Variants in UCHL3 observed in about 807,000 individuals in gnomAD.
The protein encoded by UCHL3 is ubiquitin C-terminal hydrolase L3.
Under a neutral mutation model 35.8 loss-of-function variants are expected in UCHL3, and 22 were observed. That is an observed-to-expected ratio of 0.61 (90% CI 0.44 to 0.88). The LOEUF (loss-of-function observed/expected upper bound fraction) is 0.88. Among genes scored for constraint, UCHL3 ranks in the 40% least tolerant of loss-of-function variants. The pLI is 0.00. For synonymous variants in UCHL3, 90 were observed against 92.8 expected (o/e 0.97, Z 0.17); for missense variants, 229 against 276.9 (o/e 0.83, Z 1.23).
rs116172082 is a variant in UCHL3, at chr13:75,589,170, T to C, written c.475-5745T>C. On this transcript the variant is annotated intron_variant, in intron 6 of 8. Coordinates refer to ENST00000377595, the MANE Select transcript of UCHL3 (RefSeq NM_006002.5). ...TGATTTCCTGGGTCTGAATCCCGGT[T>C]CTGTTACCTACTGGCAATGTGACCT... Among the ~76,000 whole-genome samples, 239 of 152,304 alleles carry C rather than the reference T, an allele frequency of 1.6e-3. 1 individual carries two copies. The highest frequency in any genetic ancestry group is 5.5e-3 in the African/African-American group (228 of 41,576).
chr13:75,576,570 G>T (rs571507229), intron 6 of UCHL3, among the ~76,000 whole-genome samples: 5 of 152,154 alleles, frequency 3.3e-5, no homozygotes. Context: ...TAGCAAGGAT[G>T]GTCTCGATCT....
intron 6 of UCHL3, among the ~76,000 whole-genome samples, chr13:75,592,444 A>ATATACATATATATATATGTATATATG (rs1555276755): frequency 9.2e-6 from 1 of 108,810 alleles, no homozygotes; most frequent in Non-Finnish European, 1.9e-5. Context: ...ATATATATAT[A>ATATACATATATATATATGTATATATG]TATATATATA....
At chr13:75,575,371 G>A (rs2031988608) in intron 6 of UCHL3, among the ~76,000 whole-genome samples, 4 of 152,182 alleles carry the variant, frequency 2.6e-5, no homozygotes. Context: ...CATAAAAGAA[G>A]AATGGGATAT....
In UCHL3 at chr13:75,549,975, G is replaced by C. The variant is rs750898465; in HGVS notation, c.43-1G>C. On this transcript the variant is annotated splice_acceptor_variant, in intron 1 of 8. Transcript: ENST00000377595. LOFTEE classifies it high-confidence loss of function. The stretch of plus-strand genomic sequence containing the variant: ...AAGCGTGTTCTCTGTTTCGTTTTCA[G>C]GTCACCAACCAGGTGAGTGAGGTGT... 1 of 1,614,126 alleles carries C rather than the reference G, an allele frequency of 6.2e-7. No homozygotes were observed. The highest frequency in any genetic ancestry group is 8.5e-7 in the Non-Finnish European group (1 of 1,180,044).
upstream of UCHL3, chr13:75,549,660 C>T (rs542407363): frequency 2.7e-5 from 19 of 703,136 alleles, no homozygotes; most frequent in African/African-American, 2.6e-4. Flanking sequence ...CTGCACGGAG[C>T]GGTTAAGAGG....
chr13:75,578,210 T>C (rs2032081345), intron 6 of UCHL3, among the ~76,000 whole-genome samples: 1 of 151,452 alleles, frequency 6.6e-6, no homozygotes, highest in African/African-American at 2.4e-5. Flanking sequence ...AAAAAAACCT[T>C]TGCTACTGTA....
chr13:75,574,611 T>G (rs2031966894), intron 6 of UCHL3, among the ~76,000 whole-genome samples: 1 of 152,224 alleles, frequency 6.6e-6, no homozygotes, highest in South Asian at 2.1e-4. Context: ...TTGTGAAGAC[T>G]AATGAGTTAA....
intron 6 of UCHL3, among the ~76,000 whole-genome samples, chr13:75,571,469 T>G (rs954271718): frequency 6.6e-6 from 1 of 152,264 alleles, no homozygotes; most frequent in East Asian, 1.9e-4. Flanking sequence ...CTTAAACTTT[T>G]TCTTCCCTTT....
intron 2 of UCHL3, among the ~76,000 whole-genome samples, chr13:75,552,582 T>C (rs993791343): frequency 6.6e-6 from 1 of 152,244 alleles, no homozygotes; most frequent in Non-Finnish European, 1.5e-5. Flanking sequence ...GTGATTTCTC[T>C]TGTTGGTTAG....
intron 7 of UCHL3, among the ~76,000 whole-genome samples, chr13:75,595,627 A>AAAAAAG (rs2032626590): frequency 6.8e-6 from 1 of 147,458 alleles, no homozygotes; most frequent in Non-Finnish European, 1.5e-5. Context: ...AAAAAAAAAA[A>AAAAAAG]GAGCGTAATA....
chr13:75,586,370 T>G (rs952749317), intron 6 of UCHL3, among the ~76,000 whole-genome samples: 2 of 152,038 alleles, frequency 1.3e-5, no homozygotes, highest in Admixed American at 6.6e-5. Flanking sequence ...AGCCTCTAAA[T>G]GTATGAGGCA....
intron 6 of UCHL3, among the ~76,000 whole-genome samples, chr13:75,589,454 A>T (rs2032416373): frequency 6.6e-6 from 1 of 152,028 alleles, no homozygotes; most frequent in South Asian, 2.1e-4. Flanking sequence ...GGAGGAATTA[A>T]TTTCACTCTT....
chr13:75,557,065 T>G (rs902362516), intron 2 of UCHL3, among the ~76,000 whole-genome samples: 5 of 151,930 alleles, frequency 3.3e-5, no homozygotes, highest in Non-Finnish European at 7.4e-5. Flanking sequence ...AATAAAAAAA[T>G]TTAGCTGGCT....
chr13:75,587,133 T>C (rs1593753584), intron 6 of UCHL3, among the ~76,000 whole-genome samples: 1 of 151,026 alleles, frequency 6.6e-6, no homozygotes, highest in African/African-American at 2.4e-5. Context: ...CTAGCCAATA[T>C]AGTAGGGCAA....
At position 75,555,793 on chromosome 13, in the gene UCHL3, A is replaced by T. The variant is rs115531186; in HGVS notation, c.55-4960A>T. ...TTCTTTTTGAGATGGAGGTCACACT[A>T]TGTTGCCCAGGCTGGCCTCCAGCTC... On this transcript the variant is annotated intron_variant, in intron 2 of 8. Transcript: ENST00000377595. Among the ~76,000 whole-genome samples the T allele has an allele frequency of 3.4e-3, 523 of 152,250 alleles. 7 individuals carry two copies. Among genetic ancestry groups the T allele is most frequent in the African/African-American group, 0.012 (495 of 41,542 alleles).
In UCHL3 at chr13:75,566,684, T is replaced by C; in HGVS notation, c.184-11T>C. ...TCCACAAATACACTGTTGACTTTTTTTTTTTAATAGTATGAAGTATTCAGA... is the reference window on the plus strand; with the variant it reads ...TCCACAAATACACTGTTGACTTTTTCTTTTTAATAGTATGAAGTATTCAGA... On this transcript the variant is annotated splice_polypyrimidine_tract_variant and intron_variant, in intron 3 of 8. Transcript: ENST00000377595. The C allele has an allele frequency of 6.9e-7, 1 of 1,448,412 alleles. No individual in the cohort carries two copies. The highest frequency in any genetic ancestry group is 9.2e-7 in the Non-Finnish European group (1 of 1,090,564). The allele number at this position is 1,448,412 out of a possible 1,614,324, so 89.7% of individuals were successfully genotyped here.
chr13:75,585,517 G>T (rs1405679261), intron 6 of UCHL3, among the ~76,000 whole-genome samples: 3 of 152,042 alleles, frequency 2.0e-5, no homozygotes, highest in Admixed American at 2.0e-4. Context: ...AAATGTAAAG[G>T]AATTTCATTA....
intron 6 of UCHL3, among the ~76,000 whole-genome samples, chr13:75,583,854 C>A (rs2138539043): frequency 6.6e-6 from 1 of 152,186 alleles, no homozygotes; most frequent in African/African-American, 2.4e-5. Flanking sequence ...TGCTTAAGGT[C>A]AAAAGTAGGC....
At chr13:75,575,029 G>A (rs1428911964) in intron 6 of UCHL3, among the ~76,000 whole-genome samples, 2 of 152,142 alleles carry the variant, frequency 1.3e-5, no homozygotes, top group African/African-American at 4.8e-5. Flanking sequence ...ATAATATAGT[G>A]TAATAACAAG....
Sources: gnomAD v4.1 joint callset for allele counts (sites outside exome capture counted in the v4.1 genomes callset) on GRCh38, gnomAD v4.1.1 for gene constraint, MANE v1.5 for transcripts, NCBI Gene and HGNC (gene_info 2026-07-23, HGNC 2026-07-21) for gene names.